GPC6: variants seen among roughly 807,000 people sequenced by gnomAD.
GPC6 encodes the protein glypican-6.
GPC6 carries 14 observed loss-of-function variants against 55.2 expected under a neutral mutation model. That is an observed-to-expected ratio of 0.25 (90% confidence interval 0.17 to 0.40). The LOEUF is 0.40. Among genes scored for constraint, GPC6 ranks in the 10% least tolerant of loss-of-function variants. The probability of loss-of-function intolerance (pLI) is 1.00; values close to 1 mark genes in which losing one functional copy is unlikely to be tolerated. For synonymous variants in GPC6, 278 were observed against 259.6 expected, an observed-to-expected ratio of 1.07 and a Z score of -0.68; for missense variants, 641 against 708.5, an observed-to-expected ratio of 0.90 and a Z score of 1.08.
At chr13:94,079,799 A>G (rs1413956773) in intron 4 of GPC6, among the ~76,000 whole-genome samples, 1 of 152,104 alleles carries the variant, frequency 6.6e-6, no homozygotes, top group Non-Finnish European at 1.5e-5. Context: ...TCTGTTTCCT[A>G]CATCAGACTT....
At chr13:93,670,448 A>G (rs981556315) in intron 2 of GPC6, among the ~76,000 whole-genome samples, 1 of 152,214 alleles carries the variant, frequency 6.6e-6, no homozygotes, top group African/African-American at 2.4e-5. Flanking sequence ...GTTCAGTAAT[A>G]TTAATCATCT....
At position 93,363,571 on chromosome 13, in the gene GPC6, T is replaced by C. The variant is rs569981538; in HGVS notation, c.160+135955T>C. On this transcript the variant is annotated intron_variant, in intron 1 of 8. Transcript: ENST00000377047. The stretch of plus-strand genomic sequence containing the variant: ...TGGGTTGGTTCCAAGTCTTTGCTAT[T>C]GTGAATAATGCCGCAATAAACATAC... Among the ~76,000 whole-genome samples the C allele has an allele frequency of 3.3e-5, 5 of 151,928 alleles. No individual in the cohort carries two copies. The East Asian group carries it at 7.8e-4, about 24-fold the overall frequency.
intron 1 of GPC6, among the ~76,000 whole-genome samples, chr13:93,244,952 A>C (rs1475867792): frequency 2.6e-5 from 4 of 152,212 alleles, no homozygotes; most frequent in African/African-American, 9.7e-5. Flanking sequence ...CATAATCTTA[A>C]TAAGAATCCC....
intron 2 of GPC6, among the ~76,000 whole-genome samples, chr13:93,608,806 T>C (rs1173482118): frequency 6.6e-6 from 1 of 152,214 alleles, no homozygotes; most frequent in Non-Finnish European, 1.5e-5. Flanking sequence ...ATGTAGTAAG[T>C]GTGTTGAAGT....
intron 6 of GPC6, among the ~76,000 whole-genome samples, chr13:94,373,439 A>T (rs7991186): frequency 1.5e-4 from 23 of 152,122 alleles, no homozygotes; most frequent in Non-Finnish European, 2.5e-4. Context: ...GGAGCCGATG[A>T]GATCAATTGG....
At chr13:93,903,953 T>G (rs1876497036) in intron 3 of GPC6, among the ~76,000 whole-genome samples, 1 of 152,146 alleles carries the variant, frequency 6.6e-6, no homozygotes, top group South Asian at 2.1e-4. Flanking sequence ...GAAGAACATG[T>G]CCTGTCCTTT....
chr13:93,949,834 C>T (rs1012130261), intron 3 of GPC6, among the ~76,000 whole-genome samples: 1 of 152,096 alleles, frequency 6.6e-6, no homozygotes, highest in African/African-American at 2.4e-5. Flanking sequence ...TCCCGTGATC[C>T]TCCCACCTCA....
At chr13:93,740,156 A>G (rs930865107) in intron 2 of GPC6, among the ~76,000 whole-genome samples, 1 of 151,528 alleles carries the variant, frequency 6.6e-6, no homozygotes, top group African/African-American at 2.4e-5. Flanking sequence ...GAAATTACAA[A>G]TCACTAGAGA....
intron 1 of GPC6, among the ~76,000 whole-genome samples, chr13:93,342,035 A>AT (rs1880274982): frequency 6.6e-6 from 1 of 151,058 alleles, no homozygotes; most frequent in African/African-American, 2.4e-5. Flanking sequence ...CACCCACCTA[A>AT]TTTTTTTGTA....
At chr13:93,457,798 A>G (rs928100961) in intron 1 of GPC6, among the ~76,000 whole-genome samples, 2 of 152,138 alleles carry the variant, frequency 1.3e-5, no homozygotes, top group African/African-American at 4.8e-5. Context: ...AATGAGAAGG[A>G]GTATACCTTC....
chr13:93,412,562 C>G (rs1049259788), intron 1 of GPC6, among the ~76,000 whole-genome samples: 1 of 152,128 alleles, frequency 6.6e-6, no homozygotes, highest in Admixed American at 6.6e-5. Context: ...GAGGCTGAAG[C>G]AGGAATATTG....
At chr13:93,459,696 T>C (rs1391200015) in intron 1 of GPC6, among the ~76,000 whole-genome samples, 2 of 152,200 alleles carry the variant, frequency 1.3e-5, no homozygotes, top group African/African-American at 4.8e-5. Flanking sequence ...TTGGAGATTT[T>C]GTGTGCTCTC....
chr13:94,030,621 C>T (rs547538489), intron 4 of GPC6, among the ~76,000 whole-genome samples: 3 of 152,282 alleles, frequency 2.0e-5, no homozygotes, highest in South Asian at 4.1e-4. Context: ...ATAGCCCTCT[C>T]TCTGGGTAGC....
At chr13:93,951,334 T>A (rs898623456) in intron 3 of GPC6, among the ~76,000 whole-genome samples, 1 of 152,150 alleles carries the variant, frequency 6.6e-6, no homozygotes, top group East Asian at 1.9e-4. Flanking sequence ...TCTGTTATTC[T>A]CTTCAGCTTT....
chr13:93,866,208 A>G (rs1458621150), intron 3 of GPC6, among the ~76,000 whole-genome samples: 1 of 151,690 alleles, frequency 6.6e-6, no homozygotes, highest in Non-Finnish European at 1.5e-5. Context: ...ACAACTAGAG[A>G]CAACCCAACT....
At chr13:93,955,322 A>T in intron 3 of GPC6, among the ~76,000 whole-genome samples, 1 of 150,618 alleles carries the variant, frequency 6.6e-6, no homozygotes, top group East Asian at 2.0e-4. Context: ...TTTCAGTAAT[A>T]ATACAGTCTA....
intron 1 of GPC6, among the ~76,000 whole-genome samples, chr13:93,465,839 GCT>G (rs1878884517): frequency 6.6e-6 from 1 of 152,086 alleles, no homozygotes; most frequent in Admixed American, 6.6e-5. Flanking sequence ...ATAACTTTTA[GCT>G]TTTTCTTTAA....
At chr13:94,036,098 T>C (rs977634401) in intron 4 of GPC6, among the ~76,000 whole-genome samples, 30 of 152,018 alleles carry the variant, frequency 2.0e-4, no homozygotes, top group Non-Finnish European at 1.2e-4. Context: ...CTTTTGTTAC[T>C]CTAAAGAGGG....
At chr13:93,514,447 G>A (rs1048620887) in intron 1 of GPC6, among the ~76,000 whole-genome samples, 1 of 152,098 alleles carries the variant, frequency 6.6e-6, no homozygotes, top group Non-Finnish European at 1.5e-5. Flanking sequence ...AAAAATGTTA[G>A]GGCAAAACTC....
Sources: gnomAD v4.1 joint callset for allele counts (sites outside exome capture counted in the v4.1 genomes callset) on GRCh38, gnomAD v4.1.1 for gene constraint, MANE v1.5 for transcripts, NCBI Gene and HGNC (gene_info 2026-07-23, HGNC 2026-07-21) for gene names.